Variants in BTBD8 observed in about 807,000 individuals in gnomAD.
BTBD8 encodes BTB domain containing 8.
A neutral mutation model predicts 162.9 loss-of-function variants in BTBD8; 110 were observed. The ratio of observed to expected loss-of-function variants is 0.68; its 90% CI spans 0.58 to 0.79. The LOEUF is 0.79. BTBD8 is among the 30% of genes least tolerant of loss of function. The pLI is 0.00. For synonymous variants in BTBD8, 667 were observed against 716.1 expected (o/e 0.93, Z 1.10); for missense variants, 1,905 against 2,085.4 (o/e 0.91, Z 1.68).
chr1:92,116,794 G>A (rs190325812), intron 4 of BTBD8, among the ~76,000 whole-genome samples: 23 of 151,362 alleles, frequency 1.5e-4, no homozygotes, highest in African/African-American at 5.3e-4. Context: ...AATTGGAGTA[G>A]ACTATTTGAC....
In BTBD8 at chr1:92,177,469, G is replaced by A. The variant is rs1462298029; in HGVS notation, c.2276G>A (p.Gly759Glu). Residue 759 changes from glycine (G) to glutamate (E), a missense_variant, in exon 14 of 18, where the codon GGA (glycine) becomes GAA (glutamate). Around this residue, in one of 3 missense-constraint regions of BTBD8, gnomAD observed 1,374 missense variants for 1,442.7 expected, o/e 0.95. Transcript: ENST00000636805. ...NGSTEEEKPS[G>E]HKLSFCDSPG... ...TCAACAGAAGAAGAAAAGCCTTCTG[G>A]ACATAAACTATCCTTTTGTGATTCT... 16 of 1,551,510 alleles carry A rather than the reference G, an allele frequency of 1.0e-5. No individual in the cohort carries two copies. Among genetic ancestry groups the A allele is most frequent in the Non-Finnish European group, 1.4e-5 (16 of 1,146,966 alleles).
rs570610418 is a variant in BTBD8, at chr1:92,141,578, T to C, written c.930+367T>C. 1.8e-3 allele frequency among the ~76,000 whole-genome samples: 272 copies of C among 152,282 alleles called. 1 individual carries two copies. The highest frequency in any genetic ancestry group is 6.4e-3 in the African/African-American group (267 of 41,552). On this transcript the variant is annotated intron_variant, in intron 7 of 17. Coordinates refer to ENST00000636805, the MANE Select transcript of BTBD8 (RefSeq NM_001376131.1). ...TTCTTATTCCTGAAAGTGTAATCCT[T>C]CTTTCTACCACTTCTCTTTATAGCA...
At chr1:92,174,565 G>A (rs1322326670) in intron 13 of BTBD8, among the ~76,000 whole-genome samples, 1 of 152,112 alleles carries the variant, frequency 6.6e-6, no homozygotes, top group Non-Finnish European at 1.5e-5. Context: ...CAGTGTTAAG[G>A]GTGGGAAGGA....
At chr1:92,105,056 C>T (rs1156829960) in intron 3 of BTBD8, among the ~76,000 whole-genome samples, 1 of 152,006 alleles carries the variant, frequency 6.6e-6, no homozygotes, top group Non-Finnish European at 1.5e-5. Context: ...CCTCAGCCTC[C>T]CAAGTAGCTG....
intron 5 of BTBD8, among the ~76,000 whole-genome samples, chr1:92,138,852 C>T (rs1649699014): frequency 6.6e-6 from 1 of 152,178 alleles, no homozygotes; most frequent in Non-Finnish European, 1.5e-5. Context: ...TCCAAACTAC[C>T]TCTTAAGTCA....
intron 4 of BTBD8, among the ~76,000 whole-genome samples, chr1:92,119,487 C>T (rs886771930): frequency 4.0e-5 from 6 of 151,856 alleles, no homozygotes; most frequent in Admixed American, 6.6e-5. Context: ...GTTCTTCCTG[C>T]GCTGGCCAGG....
At chr1:92,182,635 T>A in intron 17 of BTBD8, 40 bp downstream of exon 17, 1 of 1,286,154 alleles carries the variant, frequency 7.8e-7, no homozygotes, top group Non-Finnish European at 1.0e-6. Context: ...CATAAGAAAA[T>A]AAGTTTATAA....
chr1:92,160,259 T>G (rs1650249186), intron 9 of BTBD8, among the ~76,000 whole-genome samples: 1 of 152,198 alleles, frequency 6.6e-6, no homozygotes, highest in Non-Finnish European at 1.5e-5. Flanking sequence ...AATTATTACT[T>G]TGTCATGCAT....
chr1:92,105,460 C>T (rs941015689), intron 3 of BTBD8, among the ~76,000 whole-genome samples: 2 of 150,848 alleles, frequency 1.3e-5, no homozygotes, highest in Non-Finnish European at 2.9e-5. Flanking sequence ...CCTGCGTTGC[C>T]CAGGCTGGTC....
intron 4 of BTBD8, among the ~76,000 whole-genome samples, chr1:92,118,415 A>G (rs956053636): frequency 6.6e-6 from 1 of 151,812 alleles, no homozygotes; most frequent in Non-Finnish European, 1.5e-5. Context: ...TGGGACAGGA[A>G]GACCACAAAG....
At chr1:92,108,474 G>A (rs902435938) in intron 4 of BTBD8, among the ~76,000 whole-genome samples, 2 of 152,144 alleles carry the variant, frequency 1.3e-5, no homozygotes, top group Non-Finnish European at 2.9e-5. Flanking sequence ...CTCAGATTCC[G>A]TGATTCAAAA....
At chr1:92,182,868 A>G (rs1446684650) in intron 17 of BTBD8, among the ~76,000 whole-genome samples, 1 of 152,110 alleles carries the variant, frequency 6.6e-6, no homozygotes, top group Non-Finnish European at 1.5e-5. Flanking sequence ...ATAAAAAGAA[A>G]AACTTAGTTT....
intron 13 of BTBD8, among the ~76,000 whole-genome samples, chr1:92,175,976 A>G (rs573198506): frequency 2.3e-4 from 35 of 152,124 alleles, no homozygotes; most frequent in African/African-American, 8.4e-4. Context: ...TTTTTAGCCT[A>G]TTTCAGCTAT....
At chr1:92,138,318 T>G (rs941745284) in intron 5 of BTBD8, among the ~76,000 whole-genome samples, 1 of 152,216 alleles carries the variant, frequency 6.6e-6, no homozygotes, top group African/African-American at 2.4e-5. Flanking sequence ...TAAATAGTTT[T>G]GTGAATGAAA....
intron 2 of BTBD8, among the ~76,000 whole-genome samples, chr1:92,102,236 C>T (rs1482208744): frequency 6.6e-6 from 1 of 152,058 alleles, no homozygotes; most frequent in Admixed American, 6.6e-5. Flanking sequence ...CCAGGCTGAT[C>T]TTGAACTCCT....
At chr1:92,156,487 G>T (rs1478968361) in intron 9 of BTBD8, among the ~76,000 whole-genome samples, 2 of 152,120 alleles carry the variant, frequency 1.3e-5, no homozygotes, top group African/African-American at 2.4e-5. Flanking sequence ...GGTGTGAGAA[G>T]GATTGGTATT....
chr1:92,171,341 T>A, intron 12 of BTBD8, 58 bp from the exon 13 acceptor site: 1 of 1,275,260 alleles, frequency 7.8e-7, no homozygotes, highest in Non-Finnish European at 1.1e-6. Context: ...ATTTTTCCTT[T>A]ACTTCTAAGG....
chr1:92,081,293 G>A (rs1648006847), intron 1 of BTBD8, among the ~76,000 whole-genome samples: 1 of 152,056 alleles, frequency 6.6e-6, no homozygotes, highest in African/African-American at 2.4e-5. Flanking sequence ...GCAAATGGAG[G>A]GTCTTCCTGA....
At chr1:92,107,365 A>G (rs1648760832) in intron 3 of BTBD8, among the ~76,000 whole-genome samples, 1 of 152,216 alleles carries the variant, frequency 6.6e-6, no homozygotes, top group African/African-American at 2.4e-5. Context: ...ACAATGGACC[A>G]CATATATGAC....
Sources: allele counts gnomAD v4.1 joint callset (sites outside exome capture counted in the v4.1 genomes callset), GRCh38; gene constraint gnomAD v4.1.1; regional missense constraint gnomAD v4.1.1; transcripts MANE v1.5; gene names NCBI Gene and HGNC (gene_info 2026-07-23, HGNC 2026-07-21).